The following GRID1 variants were observed in gnomAD, a reference collection of about 807,000 sequenced individuals.
GRID1 encodes glutamate ionotropic receptor delta type subunit 1.
A neutral mutation model predicts 98.0 loss-of-function variants in GRID1; 28 were observed. That is an observed-to-expected ratio of 0.29 (90% CI 0.21 to 0.39). The LOEUF (loss-of-function observed/expected upper bound fraction) is 0.39, where lower values mean the gene tolerates loss of function less well. Among genes scored for constraint, GRID1 ranks in the 10% least tolerant of loss-of-function variants. GRID1 has a pLI of 1.00. For synonymous variants in GRID1, 553 were observed against 538.5 expected (o/e 1.03, Z -0.37); for missense variants, 1,111 against 1,340.5 (o/e 0.83, Z 2.67).
intron 5 of GRID1, among the ~76,000 whole-genome samples, chr10:85,878,980 G>A (rs1325543684): frequency 6.6e-6 from 1 of 151,550 alleles, no homozygotes; most frequent in Non-Finnish European, 1.5e-5. Context: ...CCTAGTCTCT[G>A]ATAAAACAGA....
intron 4 of GRID1, among the ~76,000 whole-genome samples, chr10:86,081,258 A>C (rs1179806084): frequency 2.6e-5 from 4 of 152,206 alleles, no homozygotes; most frequent in South Asian, 4.1e-4. Context: ...CTGGGGATGA[A>C]AATGGATGCA....
intron 4 of GRID1, among the ~76,000 whole-genome samples, chr10:86,049,381 T>C (rs1843468361): frequency 6.6e-6 from 1 of 152,212 alleles, no homozygotes; most frequent in Non-Finnish European, 1.5e-5. Context: ...AGTGTAGATA[T>C]TTTTGACCCA....
chr10:85,734,660 C>A (rs2356728), intron 8 of GRID1, among the ~76,000 whole-genome samples: 1 of 151,830 alleles, frequency 6.6e-6, no homozygotes, highest in South Asian at 2.1e-4. Context: ...GGGTAGGAAA[C>A]TTTATTATTC....
intron 12 of GRID1, among the ~76,000 whole-genome samples, chr10:85,659,593 A>G (rs1840942075): frequency 6.6e-6 from 1 of 152,248 alleles, no homozygotes; most frequent in Admixed American, 6.5e-5. Flanking sequence ...GTGATTGAAC[A>G]ATGCAAAACC....
chr10:85,635,414 C>T (rs997523242), intron 13 of GRID1, among the ~76,000 whole-genome samples: 3 of 152,124 alleles, frequency 2.0e-5, no homozygotes, highest in Non-Finnish European at 4.4e-5. Flanking sequence ...GGACCCCCTG[C>T]CCTCCCCTGC....
chr10:85,728,972 C>A (rs1841792481), intron 9 of GRID1, among the ~76,000 whole-genome samples: 2 of 152,076 alleles, frequency 1.3e-5, no homozygotes, highest in Admixed American at 1.3e-4. Flanking sequence ...GTGAAAAAAG[C>A]AATTGAAAGG....
At chr10:85,750,254 C>T (rs549092970) in intron 8 of GRID1, among the ~76,000 whole-genome samples, 6 of 152,152 alleles carry the variant, frequency 3.9e-5, no homozygotes, top group African/African-American at 1.4e-4. Flanking sequence ...CGCTCTCCCT[C>T]AACAAAAATT....
At chr10:86,091,002 A>G (rs1844138429) in intron 4 of GRID1, among the ~76,000 whole-genome samples, 1 of 152,210 alleles carries the variant, frequency 6.6e-6, no homozygotes, top group Non-Finnish European at 1.5e-5. Context: ...TGGGTCCCCT[A>G]GTAGCCCATT....
chr10:85,668,038 C>T (rs139661175), intron 12 of GRID1, among the ~76,000 whole-genome samples: 33 of 152,282 alleles, frequency 2.2e-4, no homozygotes, highest in Middle Eastern at 6.8e-3. Context: ...GGAAAATCCC[C>T]GGCTAACCTG....
chr10:86,227,495 T>C (rs187807481), intron 2 of GRID1, among the ~76,000 whole-genome samples: 163 of 152,334 alleles, frequency 1.1e-3, no homozygotes, highest in African/African-American at 3.7e-3. Context: ...AACCCACACC[T>C]GCTTAAGACT....
At chr10:85,818,335 T>C (rs1408300070) in intron 8 of GRID1, among the ~76,000 whole-genome samples, 3 of 147,526 alleles carry the variant, frequency 2.0e-5, no homozygotes, top group African/African-American at 7.5e-5. Flanking sequence ...CACACATGGA[T>C]GGATGAATGG....
At chr10:85,755,273 A>G (rs1367749883) in intron 8 of GRID1, among the ~76,000 whole-genome samples, 1 of 152,218 alleles carries the variant, frequency 6.6e-6, no homozygotes, top group East Asian at 1.9e-4. Context: ...TATTTCTAAC[A>G]GTTCAATGAG....
In GRID1 at chr10:85,632,707, C is replaced by T. The variant is rs181455679; in HGVS notation, c.2194-12674G>A. ...TACAGACATGTGCCACCACACCGGG[C>T]TAATTTTGGTATTTTTTAAAAATTA... On this transcript the variant is annotated intron_variant, in intron 13 of 15. Coordinates refer to ENST00000327946, the MANE Select transcript of GRID1 (RefSeq NM_017551.3). 8.8e-3 allele frequency among the ~76,000 whole-genome samples: 1,347 copies of T among 152,266 alleles called. 10 individuals carry two copies. The highest frequency in any genetic ancestry group is 0.016 in the South Asian group (78 of 4,820).
At chr10:86,006,803 T>TA (rs35058405) in intron 4 of GRID1, among the ~76,000 whole-genome samples, 38,626 of 141,050 alleles carry the variant, frequency 0.27, 5,195 homozygotes, top group African/African-American at 0.37. Context: ...TGAAGACAAT[T>TA]AAAAAAAAAA....
chr10:86,272,234 A>C (rs527684973), intron 2 of GRID1, among the ~76,000 whole-genome samples: 1 of 152,346 alleles, frequency 6.6e-6, no homozygotes, highest in African/African-American at 2.4e-5. Flanking sequence ...TCCAAGTTCT[A>C]ATCTTCCTAC....
intron 8 of GRID1, among the ~76,000 whole-genome samples, chr10:85,729,909 G>C (rs192050753): frequency 3.9e-4 from 59 of 152,300 alleles, no homozygotes; most frequent in Admixed American, 2.5e-3. Context: ...GTTTTATTCT[G>C]TTCACCCACA....
At chr10:86,142,116 G>A (rs1845019674) in intron 3 of GRID1, among the ~76,000 whole-genome samples, 1 of 152,220 alleles carries the variant, frequency 6.6e-6, no homozygotes, top group Non-Finnish European at 1.5e-5. Flanking sequence ...GGAGGAATGT[G>A]GGGACACATA....
chr10:86,170,994 C>T (rs981410684), intron 3 of GRID1, among the ~76,000 whole-genome samples: 9 of 152,190 alleles, frequency 5.9e-5, no homozygotes, highest in African/African-American at 2.2e-4. Flanking sequence ...ACCGCCACCA[C>T]CCGTTCAGCG....
chr10:86,023,898 A>G (rs1480497015), intron 4 of GRID1, among the ~76,000 whole-genome samples: 2 of 152,200 alleles, frequency 1.3e-5, no homozygotes, highest in African/African-American at 4.8e-5. Flanking sequence ...CTTAGGCTGC[A>G]GCAAATAAAC....
Sources: gnomAD v4.1 joint callset for allele counts (sites outside exome capture counted in the v4.1 genomes callset) on GRCh38, gnomAD v4.1.1 for gene constraint, MANE v1.5 for transcripts, NCBI Gene and HGNC (gene_info 2026-07-23, HGNC 2026-07-21) for gene names.